KIAA0825: variants seen among roughly 807,000 people sequenced by gnomAD.
KIAA0825 encodes KIAA0825, also known as uncharacterized protein KIAA0825.
Under a neutral mutation model 147.6 loss-of-function variants are expected in KIAA0825, and 119 were observed. That is an observed-to-expected ratio of 0.81 (90% CI 0.69 to 0.94). The LOEUF (loss-of-function observed/expected upper bound fraction) is 0.94. KIAA0825 is among the 40% of genes least tolerant of loss of function. The probability of loss-of-function intolerance (pLI) is 0.00; values close to 1 mark genes in which losing one functional copy is unlikely to be tolerated. For missense variants in KIAA0825, 1,381 were observed against 1,472.7 expected, an observed-to-expected ratio of 0.94 and a Z score of 1.02; for synonymous variants, 470 against 518.1, an observed-to-expected ratio of 0.91 and a Z score of 1.26.
chr5:94,317,571 G>A, intron 20 of KIAA0825, among the ~76,000 whole-genome samples: 1 of 151,810 alleles, frequency 6.6e-6, no homozygotes, highest in African/African-American at 2.4e-5. Flanking sequence ...GAAAATATAA[G>A]GCAGCACAGG....
At chr5:94,616,498 A>G (rs1013664895) in intron 1 of KIAA0825, among the ~76,000 whole-genome samples, 1 of 152,060 alleles carries the variant, frequency 6.6e-6, no homozygotes, top group Non-Finnish European at 1.5e-5. Flanking sequence ...GAATTTTATG[A>G]ATTTGTGCTC....
chr5:94,453,640 C>T (rs901752552), intron 12 of KIAA0825, among the ~76,000 whole-genome samples: 10 of 152,142 alleles, frequency 6.6e-5, no homozygotes, highest in East Asian at 1.9e-4. Context: ...AGAATTTTTA[C>T]GAACCTCTAT....
intron 20 of KIAA0825, among the ~76,000 whole-genome samples, chr5:94,275,439 A>G (rs1487794705): frequency 6.6e-6 from 1 of 152,168 alleles, no homozygotes; most frequent in African/African-American, 2.4e-5. Context: ...AGCCTATATT[A>G]TCTTGTTCTA....
intron 20 of KIAA0825, among the ~76,000 whole-genome samples, chr5:94,157,846 A>G (rs1271926683): frequency 1.3e-5 from 2 of 152,162 alleles, no homozygotes; most frequent in East Asian, 1.9e-4. Context: ...TCTTAGGGAC[A>G]TGCATAGTAA....
intron 14 of KIAA0825, among the ~76,000 whole-genome samples, chr5:94,421,246 AAAACTGTATTTACAAAAAC>A: frequency 6.6e-6 from 1 of 152,240 alleles, no homozygotes; most frequent in African/African-American, 2.4e-5. Context: ...ATGTTGGACT[AAAACTGTATTTACAAAAAC>A]AGGTGGCGGG....
At chr5:94,254,433 C>T (rs1776132649) in intron 20 of KIAA0825, among the ~76,000 whole-genome samples, 1 of 152,012 alleles carries the variant, frequency 6.6e-6, no homozygotes, top group South Asian at 2.1e-4. Flanking sequence ...GTATTGGTCA[C>T]CAAAATAACC....
At chr5:94,346,372 A>T (rs1366654940) in intron 20 of KIAA0825, among the ~76,000 whole-genome samples, 5 of 152,180 alleles carry the variant, frequency 3.3e-5, no homozygotes, top group African/African-American at 1.2e-4. Flanking sequence ...AAAGCACAGA[A>T]TTTTAAGATA....
intron 14 of KIAA0825, among the ~76,000 whole-genome samples, chr5:94,432,142 T>C (rs1755759985): frequency 6.6e-6 from 1 of 152,230 alleles, no homozygotes; most frequent in South Asian, 2.1e-4. Context: ...ACAAGCCACA[T>C]ACTCAAATTC....
intron 10 of KIAA0825, among the ~76,000 whole-genome samples, chr5:94,468,974 T>C (rs1760885651): frequency 6.6e-6 from 1 of 152,202 alleles, no homozygotes; most frequent in Admixed American, 6.5e-5. Flanking sequence ...TGCCCTGGAA[T>C]CAACTTCAAG....
Position 94,600,838 on chromosome 5 carries a change from T to C in KIAA0825, c.-153+17662A>G, listed in dbSNP as rs554124188. On this transcript the variant is annotated intron_variant, in intron 1 of 20. Transcript: ENST00000682413. ...CTTCCTTAAGTGGGTCCCCAATCTGTTTCTCCTCACTGGATGGGACTTCCT... is the reference window on the plus strand; with the variant it reads ...CTTCCTTAAGTGGGTCCCCAATCTGCTTCTCCTCACTGGATGGGACTTCCT... 1.1e-3 allele frequency among the ~76,000 whole-genome samples: 173 copies of C among 152,222 alleles called. 2 individuals are homozygous for C. In the South Asian group the frequency reaches 0.025, roughly 22 times the overall value.
intron 6 of KIAA0825, among the ~76,000 whole-genome samples, chr5:94,478,029 T>A (rs1762094956): frequency 1.3e-5 from 2 of 152,218 alleles, no homozygotes; most frequent in South Asian, 4.1e-4. Context: ...TTACCAAGAA[T>A]CAATTTCTTT....
At chr5:94,232,155 T>C (rs1167361763) in intron 20 of KIAA0825, among the ~76,000 whole-genome samples, 1 of 152,102 alleles carries the variant, frequency 6.6e-6, no homozygotes, top group African/African-American at 2.4e-5. Context: ...TTTAAGAAGG[T>C]ACATTAGGTA....
At chr5:94,427,416 G>GTCCTAGCT (rs1454574999) in intron 14 of KIAA0825, among the ~76,000 whole-genome samples, 1 of 152,038 alleles carries the variant, frequency 6.6e-6, no homozygotes, top group East Asian at 1.9e-4. Flanking sequence ...CACACCTGAA[G>GTCCTAGCT]TCCTAGCTAC....
intron 17 of KIAA0825, 139 bp from the exon 18 acceptor site, chr5:94,391,833 C>G: frequency 1.4e-6 from 1 of 694,804 alleles, no homozygotes; most frequent in Non-Finnish European, 2.3e-6. Flanking sequence ...ATAGGTAAGC[C>G]TTCCCAAACC....
At chr5:94,288,891 A>G (rs1258733720) in intron 20 of KIAA0825, among the ~76,000 whole-genome samples, 1 of 152,158 alleles carries the variant, frequency 6.6e-6, no homozygotes, top group Non-Finnish European at 1.5e-5. Context: ...GCCACTTAAA[A>G]TCGTATTAAA....
chr5:94,455,757 T>C (rs1367998457), intron 12 of KIAA0825, among the ~76,000 whole-genome samples: 3 of 152,142 alleles, frequency 2.0e-5, no homozygotes, highest in Admixed American at 6.6e-5. Context: ...AGTGCATTCA[T>C]GATGGTGTGG....
intron 5 of KIAA0825, among the ~76,000 whole-genome samples, chr5:94,519,017 T>G (rs1767693197): frequency 6.6e-6 from 1 of 152,070 alleles, no homozygotes; most frequent in Non-Finnish European, 1.5e-5. Context: ...ATTTTAAAAT[T>G]TATGTGTTAA....
At chr5:94,318,209 G>A (rs946588946) in intron 20 of KIAA0825, among the ~76,000 whole-genome samples, 6 of 151,394 alleles carry the variant, frequency 4.0e-5, no homozygotes, top group African/African-American at 7.3e-5. Context: ...GCACATTTCC[G>A]AAAATTTAAA....
intron 3 of KIAA0825, among the ~76,000 whole-genome samples, chr5:94,526,268 G>T (rs1021624547): frequency 1.3e-5 from 2 of 151,790 alleles, no homozygotes; most frequent in Non-Finnish European, 2.9e-5. Flanking sequence ...CATTATTCAG[G>T]ATTATAAACA....
Sources: allele counts gnomAD v4.1 joint callset (sites outside exome capture counted in the v4.1 genomes callset), GRCh38; gene constraint gnomAD v4.1.1; transcripts MANE v1.5; gene names NCBI Gene and HGNC (gene_info 2026-07-23, HGNC 2026-07-21).